SLC16A9: variants seen among roughly 807,000 people sequenced by gnomAD.
The protein encoded by SLC16A9 is monocarboxylate transporter 9.
A neutral mutation model predicts 44.3 loss-of-function variants in SLC16A9; 26 were observed. That is an observed-to-expected ratio of 0.59 (90% CI 0.43 to 0.81). The LOEUF is 0.81. Among genes scored for constraint, SLC16A9 ranks in the 40% least tolerant of loss-of-function variants. SLC16A9 has a pLI of 0.00. For missense variants in SLC16A9, 559 were observed against 595.8 expected (o/e 0.94, Z 0.64); for synonymous variants, 230 against 225.1 (o/e 1.02, Z -0.19).
At chr10:59,668,328 G>A (rs759708618) in intron 3 of SLC16A9, among the ~76,000 whole-genome samples, 4 of 151,994 alleles carry the variant, frequency 2.6e-5, no homozygotes, top group South Asian at 2.1e-4. Flanking sequence ...TCTATCTTGC[G>A]CCTCTGAGTA....
At chr10:59,668,838 A>G (rs1839682972) in intron 3 of SLC16A9, among the ~76,000 whole-genome samples, 1 of 152,190 alleles carries the variant, frequency 6.6e-6, no homozygotes, top group South Asian at 2.1e-4. Flanking sequence ...CATATCCATG[A>G]CAGTTAAAAA....
At chr10:59,696,797 C>A (rs963965669) in intron 1 of SLC16A9, among the ~76,000 whole-genome samples, 5 of 151,578 alleles carry the variant, frequency 3.3e-5, no homozygotes, top group African/African-American at 4.9e-5. Context: ...GCAACCGCCC[C>A]GTCTGAGAAG....
chr10:59,702,478 G>A lies in SLC16A9; in HGVS notation c.-37+7001C>T, dbSNP rs148273186. Among the ~76,000 whole-genome samples the A allele has an allele frequency of 1.2e-3, 188 of 152,324 alleles. 2 individuals are homozygous for A. In the East Asian group the frequency reaches 0.026, roughly 21 times the overall value. Reference sequence around the variant, plus strand: ...AATCGTGGCTCAAAACTGTCATTCAGAGCCTCTTGTTTGTCCTCTGTAGTC... The same window carrying A: ...AATCGTGGCTCAAAACTGTCATTCAAAGCCTCTTGTTTGTCCTCTGTAGTC... On this transcript the variant is annotated intron_variant, in intron 1 of 5. Coordinates refer to ENST00000395348, the MANE Select transcript of SLC16A9 (RefSeq NM_194298.3).
Position 59,652,727 on chromosome 10 carries a change from G to A in SLC16A9, c.*45C>T, listed in dbSNP as rs768638030. 6.6e-6 allele frequency: 10 copies of A among 1,519,162 alleles called. No homozygotes were observed. The allele number at this position is 1,519,162 out of a possible 1,614,324, so 94.1% of individuals were successfully genotyped here. ...CTTGAGAATCTGTTAAAATATCGTT[G>A]CTATATGGTATAAAATAGCAAAAAT... On this transcript the variant is annotated 3_prime_UTR_variant, in exon 6 of 6. Coordinates refer to ENST00000395348, the MANE Select transcript of SLC16A9 (RefSeq NM_194298.3).
intron 3 of SLC16A9, among the ~76,000 whole-genome samples, chr10:59,670,668 C>T (rs1839728755): frequency 6.6e-6 from 1 of 152,130 alleles, no homozygotes; most frequent in Non-Finnish European, 1.5e-5. Flanking sequence ...TACCATTAGA[C>T]TGAACCGTTC....
intron 1 of SLC16A9, among the ~76,000 whole-genome samples, chr10:59,699,861 G>T (rs951232969): frequency 6.7e-6 from 1 of 149,322 alleles, no homozygotes; most frequent in East Asian, 2.0e-4. Context: ...TTAGATACTT[G>T]GTTCTAGGTT....
At position 59,683,981 on chromosome 10, in the gene SLC16A9, A is replaced by G. The variant is rs879149612; in HGVS notation, c.196+115T>C. The G allele has an allele frequency of 3.8e-6, 3 of 789,076 alleles. No homozygotes were observed. In the Admixed American group the frequency reaches 9.2e-5, roughly 24 times the overall value. The allele number at this position is 789,076 out of a possible 1,614,324, so 48.9% of individuals were successfully genotyped here. On this transcript the variant is annotated intron_variant, in intron 2 of 5. Coordinates refer to ENST00000395348, the MANE Select transcript of SLC16A9 (RefSeq NM_194298.3). ...TACAATCATTGCAATGAAGGCAGGA[A>G]AAGATATGTTATACTTTGAAAAGAA...
intron 1 of SLC16A9, among the ~76,000 whole-genome samples, chr10:59,697,783 AAAT>A (rs1203865800): frequency 1.3e-5 from 2 of 150,558 alleles, no homozygotes; most frequent in African/African-American, 4.8e-5. Flanking sequence ...AAAAATAAAA[AAAT>A]AAAAAAAAGA....
At chr10:59,706,151 A>G (rs1840631003) in intron 1 of SLC16A9, among the ~76,000 whole-genome samples, 1 of 151,996 alleles carries the variant, frequency 6.6e-6, no homozygotes, top group South Asian at 2.1e-4. Flanking sequence ...TCAGTAGCAC[A>G]CTATTGATGT....
chr10:59,697,161 G>T (rs1364831904), intron 1 of SLC16A9, among the ~76,000 whole-genome samples: 6 of 138,964 alleles, frequency 4.3e-5, no homozygotes, highest in East Asian at 4.5e-4. Context: ...GGTGAGGGGC[G>T]CCTCTGCCCG....
At chr10:59,685,603 G>A (rs1369166888) in intron 1 of SLC16A9, among the ~76,000 whole-genome samples, 1 of 152,136 alleles carries the variant, frequency 6.6e-6, no homozygotes, top group African/African-American at 2.4e-5. Flanking sequence ...TCTTACTTCT[G>A]CACTGTATTC....
At chr10:59,681,258 G>A (rs1251491417) in intron 2 of SLC16A9, among the ~76,000 whole-genome samples, 1 of 151,864 alleles carries the variant, frequency 6.6e-6, no homozygotes, top group African/African-American at 2.4e-5. Flanking sequence ...CACACTGCCA[G>A]ACACTGCTTG....
At chr10:59,708,719 A>C (rs1304428932) in intron 1 of SLC16A9, 1 of 152,222 alleles carries the variant, frequency 6.6e-6, no homozygotes, top group Non-Finnish European at 1.5e-5. Flanking sequence ...TTGACAGCCA[A>C]GTTTGTTCGT....
chr10:59,651,389 T>TA lies in SLC16A9; in HGVS notation c.*1382dup, dbSNP rs972825220. On this transcript the variant is annotated 3_prime_UTR_variant, in exon 6 of 6. Coordinates refer to ENST00000395348, the MANE Select transcript of SLC16A9 (RefSeq NM_194298.3). ...TAAAATCCCCTGACCTCTTGGGTTT[T>TA]AAAAAAATTATTATTTAAAAGAATA... is the stretch of plus-strand genomic sequence containing the variant. 5 of 152,166 alleles carry TA rather than the reference T, an allele frequency of 3.3e-5. No individual in the cohort carries two copies. In the East Asian group the frequency reaches 5.8e-4, roughly 18 times the overall value. 9.4% of individuals were successfully genotyped at this position (152,166 alleles called of 1,614,324 possible).
chr10:59,702,096 C>T (rs146569500), intron 1 of SLC16A9, among the ~76,000 whole-genome samples: 37 of 152,246 alleles, frequency 2.4e-4, no homozygotes, highest in African/African-American at 8.7e-4. Flanking sequence ...CATTGAAAGC[C>T]TACTTACCTA....
In SLC16A9 at chr10:59,674,055, A is replaced by G. The variant is rs117357342; in HGVS notation, c.197-1142T>C. On this transcript the variant is annotated intron_variant, in intron 2 of 5. Transcript: ENST00000395348. ...TTATAATCAGAAGAGCGCAAAGCCA[A>G]ACTTGCGGGGTATTGCTCATGTTCT... 2.6e-4 allele frequency among the ~76,000 whole-genome samples: 39 copies of G among 152,294 alleles called. No homozygotes were observed. In the East Asian group the frequency reaches 7.3e-3, roughly 29 times the overall value.
At chr10:59,705,620 C>G (rs1209388695) in intron 1 of SLC16A9, among the ~76,000 whole-genome samples, 4 of 152,132 alleles carry the variant, frequency 2.6e-5, no homozygotes. Flanking sequence ...AAGTTTTAAT[C>G]AAGCTAAGAG....
At chr10:59,700,568 A>G (rs902464400) in intron 1 of SLC16A9, among the ~76,000 whole-genome samples, 1 of 152,226 alleles carries the variant, frequency 6.6e-6, no homozygotes, top group African/African-American at 2.4e-5. Flanking sequence ...GCTAAAACCT[A>G]CAGGGGATTT....
chr10:59,667,176 G>A (rs769079839), intron 3 of SLC16A9, among the ~76,000 whole-genome samples: 2 of 152,136 alleles, frequency 1.3e-5, no homozygotes, highest in Non-Finnish European at 2.9e-5. Context: ...TACTGATATG[G>A]TATCAGGTTC....
Sources: allele counts gnomAD v4.1 joint callset (sites outside exome capture counted in the v4.1 genomes callset), GRCh38; gene constraint gnomAD v4.1.1; transcripts MANE v1.5; gene names NCBI Gene and HGNC (gene_info 2026-07-23, HGNC 2026-07-21).